Variants in SCNN1B observed in about 807,000 individuals in gnomAD.
The protein encoded by SCNN1B is epithelial sodium channel subunit beta.
SCNN1B carries 46 observed loss-of-function variants against 65.3 expected under a neutral mutation model. The ratio of observed to expected loss-of-function variants is 0.70; its 90% CI spans 0.56 to 0.90. The LOEUF (loss-of-function observed/expected upper bound fraction) is 0.90, where lower values mean the gene tolerates loss of function less well. SCNN1B is among the 40% of genes least tolerant of loss of function. The probability of loss-of-function intolerance (pLI) is 0.00; values close to 1 mark genes in which losing one functional copy is unlikely to be tolerated. For synonymous variants in SCNN1B, 349 were observed against 330.6 expected, an observed-to-expected ratio of 1.06 and a Z score of -0.60; for missense variants, 751 against 830.5, an observed-to-expected ratio of 0.90 and a Z score of 1.18.
intron 2 of SCNN1B, among the ~76,000 whole-genome samples, chr16:23,290,621 TA>T (rs1434261179): frequency 6.6e-6 from 1 of 152,228 alleles, no homozygotes; most frequent in Non-Finnish European, 1.5e-5. Flanking sequence ...CTCTAGCTTT[TA>T]AGGCCCCATA....
intron 1 of SCNN1B, among the ~76,000 whole-genome samples, chr16:23,342,057 A>G (rs1188732907): frequency 6.6e-6 from 1 of 152,240 alleles, no homozygotes; most frequent in Non-Finnish European, 1.5e-5. Flanking sequence ...CAGTATTATC[A>G]TAACAGCCAA....
intron 1 of SCNN1B, among the ~76,000 whole-genome samples, chr16:23,347,862 C>A (rs1313428597): frequency 6.6e-6 from 1 of 152,214 alleles, no homozygotes; most frequent in Non-Finnish European, 1.5e-5. Context: ...TGAGCCATGA[C>A]TGCGCCACTG....
chr16:23,366,327 T>A (rs1036498457), intron 4 of SCNN1B, among the ~76,000 whole-genome samples: 4 of 152,170 alleles, frequency 2.6e-5, no homozygotes, highest in African/African-American at 9.6e-5. Flanking sequence ...CACATCAGCC[T>A]CCCAAGTAGC....
chr16:23,379,999 T>C, intron 11 of SCNN1B, 95 bp from the exon 12 acceptor site: 1 of 908,846 alleles, frequency 1.1e-6, no homozygotes, highest in Non-Finnish European at 1.9e-6. Context: ...TGTGTGCACG[T>C]GCATGTGTGT....
At chr16:23,327,826 G>A (rs1342206925) in intron 1 of SCNN1B, among the ~76,000 whole-genome samples, 1 of 152,208 alleles carries the variant, frequency 6.6e-6, no homozygotes, top group Non-Finnish European at 1.5e-5. Context: ...AAGGCCAGAT[G>A]TACACTTGTT....
chr16:23,360,233 T>C lies in SCNN1B; in HGVS notation c.776+4744T>C, dbSNP rs866157919. Among the ~76,000 whole-genome samples, 224 of 142,654 alleles carry C rather than the reference T, an allele frequency of 1.6e-3. 2 individuals are homozygous for C. Among genetic ancestry groups the C allele is most frequent in the African/African-American group, 6.1e-3 (211 of 34,342 alleles). The allele number at this position is 142,654 out of a possible 152,430, so 93.6% of individuals were successfully genotyped here. On this transcript the variant is annotated intron_variant, in intron 4 of 12. Transcript: ENST00000343070. ...ATAAATAAATAAATAAATAAACAAA[T>C]AAATAAATAAATAAAAAGGCTTTTG...
chr16:23,282,044 A>C (rs1960791457), intron 1 of SCNN1B, among the ~76,000 whole-genome samples: 1 of 152,054 alleles, frequency 6.6e-6, no homozygotes, highest in African/African-American at 2.4e-5. Context: ...AAATACAAAA[A>C]TTAGCCTGGC....
intron 10 of SCNN1B, 93 bp from the exon 11 acceptor site, chr16:23,378,613 C>T: frequency 3.4e-6 from 4 of 1,163,066 alleles, no homozygotes; most frequent in Non-Finnish European, 5.2e-6. Context: ...CAGGAAGGGA[C>T]AGGGCTGTGG....
At chr16:23,284,126 C>T (rs1226929135) in intron 2 of SCNN1B, among the ~76,000 whole-genome samples, 2 of 152,102 alleles carry the variant, frequency 1.3e-5, no homozygotes, top group South Asian at 2.1e-4. Flanking sequence ...TAGGGATGGC[C>T]GAGTGCAGTG....
intron 1 of SCNN1B, among the ~76,000 whole-genome samples, chr16:23,307,482 G>C (rs1314611050): frequency 1.3e-5 from 2 of 151,988 alleles, no homozygotes; most frequent in African/African-American, 4.8e-5. Context: ...ACCATGCCCA[G>C]CTAATTTTTG....
intron 1 of SCNN1B, among the ~76,000 whole-genome samples, chr16:23,319,507 G>T (rs1315727616): frequency 6.6e-6 from 1 of 152,168 alleles, no homozygotes; most frequent in Non-Finnish European, 1.5e-5. Context: ...ATGACACATG[G>T]AAATCAAATG....
rs1962085120 is a variant in SCNN1B at position 23,343,069 on chromosome 16, T to C, written c.-8-5523T>C. Reference sequence around the variant, plus strand: ...GGGAATCTTAGCTCCTACCCCACACTATATGCAAAAACTAACTTCAAATGG... The same window carrying C: ...GGGAATCTTAGCTCCTACCCCACACCATATGCAAAAACTAACTTCAAATGG... On this transcript the variant is annotated intron_variant, in intron 1 of 12. Coordinates refer to ENST00000343070, the MANE Select transcript of SCNN1B (RefSeq NM_000336.3). Among the ~76,000 whole-genome samples the C allele has an allele frequency of 2.0e-5, 3 of 152,196 alleles. No homozygotes were observed. In the South Asian group the frequency reaches 6.2e-4, roughly 31 times the overall value.
At position 23,377,209 on chromosome 16, in the gene SCNN1B, A is replaced by G; in HGVS notation, c.1315A>G (p.Thr439Ala). Residue 439 changes from threonine (T) to alanine (A), a missense_variant, in exon 9 of 13, where the codon ACC becomes GCC. Thr to Ala is a moderately conservative substitution (Grantham distance 58). Coordinates refer to ENST00000343070, the MANE Select transcript of SCNN1B (RefSeq NM_000336.3). ...ACAGATGAGCGTGGCGCAGAGAGAG[A>G]CCTGCATTGGCATGTGCAAGGAGTC... ...DLQMSVAQRE[T>A]CIGMCKESCN... 1 of 1,614,188 alleles carries G rather than the reference A, an allele frequency of 6.2e-7. No individual in the cohort carries two copies.
At chr16:23,371,741 C>G in intron 6 of SCNN1B, 35 bp from the exon 7 acceptor site, 1 of 1,532,936 alleles carries the variant, frequency 6.5e-7, no homozygotes, top group Non-Finnish European at 9.0e-7. Context: ...CCTGGGGTGA[C>G]CAGTGTCCCC....
upstream of SCNN1B, among the ~76,000 whole-genome samples, chr16:23,298,118 A>G (rs1286996946): frequency 1.3e-5 from 2 of 151,752 alleles, no homozygotes; most frequent in East Asian, 3.9e-4. Flanking sequence ...AATATTCAAT[A>G]GAACATTTTT....
At chr16:23,292,021 C>T (rs1300689563) in intron 2 of SCNN1B, among the ~76,000 whole-genome samples, 2 of 151,920 alleles carry the variant, frequency 1.3e-5, no homozygotes, top group Non-Finnish European at 2.9e-5. Context: ...GCCCCACATC[C>T]AATTCTTCAG....
intron 4 of SCNN1B, among the ~76,000 whole-genome samples, chr16:23,365,980 G>C (rs137976801): frequency 5.9e-5 from 9 of 152,300 alleles, no homozygotes; most frequent in African/African-American, 2.2e-4. Context: ...CTGAAAACAC[G>C]GGAAAATAAC....
chr16:23,362,054 C>A (rs72774366), intron 4 of SCNN1B, among the ~76,000 whole-genome samples: 8,639 of 152,054 alleles, frequency 0.057, 312 homozygotes, highest in South Asian at 0.18. Context: ...ATTTAGAAAC[C>A]AAGATCTGGG....
chr16:23,362,360 T>A (rs1962570743), intron 4 of SCNN1B, among the ~76,000 whole-genome samples: 2 of 151,640 alleles, frequency 1.3e-5, no homozygotes, highest in South Asian at 4.2e-4. Context: ...TAAATAAAAT[T>A]TAAAAATAAA....
Sources: allele counts gnomAD v4.1 joint callset (sites outside exome capture counted in the v4.1 genomes callset), GRCh38; gene constraint gnomAD v4.1.1; transcripts MANE v1.5; gene names NCBI Gene and HGNC (gene_info 2026-07-23, HGNC 2026-07-21).